The following WDPCP variants were observed in gnomAD, a reference collection of about 807,000 sequenced individuals.
The protein encoded by WDPCP is WD repeat-containing and planar cell polarity effector protein fritz homolog.
In WDPCP, 71 loss-of-function variants were observed where a neutral mutation model predicts 93.1. The observed-to-expected ratio is 0.76, with a 90% CI of 0.63 to 0.93. The LOEUF (loss-of-function observed/expected upper bound fraction) is 0.93. Among genes scored for constraint, WDPCP ranks in the 40% least tolerant of loss-of-function variants. The pLI is 0.00. For missense variants in WDPCP, 844 were observed against 887.4 expected (o/e 0.95, Z 0.62); for synonymous variants, 315 against 315.0 (o/e 1.00, Z 0.00).
At chr2:63,714,867 A>C (rs1669312546) in intron 2 of WDPCP, among the ~76,000 whole-genome samples, 1 of 152,190 alleles carries the variant, frequency 6.6e-6, no homozygotes, top group Non-Finnish European at 1.5e-5. Context: ...AATAGTACAC[A>C]AATGTTCATA....
chr2:63,271,076 A>G (rs1682595744), intron 13 of WDPCP, among the ~76,000 whole-genome samples: 1 of 152,228 alleles, frequency 6.6e-6, no homozygotes, highest in African/African-American at 2.4e-5. Context: ...CCAGGTTTGC[A>G]GCACTCTAGC....
chr2:63,321,950 T>G (rs1687131475), intron 12 of WDPCP, among the ~76,000 whole-genome samples: 1 of 152,208 alleles, frequency 6.6e-6, no homozygotes, highest in African/African-American at 2.4e-5. Context: ...CTGTACATAT[T>G]TAATGTATAC....
At chr2:63,752,129 G>A (rs1389428011) in intron 2 of WDPCP, 5 of 609,754 alleles carry the variant, frequency 8.2e-6, no homozygotes, top group Admixed American at 4.4e-5. Flanking sequence ...CCATTCACAC[G>A]ACGGTATTTC....
At chr2:63,634,056 G>A (rs779109022) in intron 3 of WDPCP, among the ~76,000 whole-genome samples, 9 of 151,556 alleles carry the variant, frequency 5.9e-5, no homozygotes, top group Non-Finnish European at 7.4e-5. Context: ...ATTCCATCTC[G>A]AAAAAAGGGG....
intron 12 of WDPCP, among the ~76,000 whole-genome samples, chr2:63,316,807 T>C (rs1039426700): frequency 6.6e-6 from 1 of 152,170 alleles, no homozygotes; most frequent in African/African-American, 2.4e-5. Context: ...TCCCATAGTC[T>C]CTGCCCAAAG....
intron 9 of WDPCP, among the ~76,000 whole-genome samples, chr2:63,422,277 C>G (rs901901369): frequency 2.0e-5 from 3 of 152,116 alleles, no homozygotes; most frequent in African/African-American, 7.2e-5. Flanking sequence ...AAAAGAACAG[C>G]CAACCTGAAG....
intron 2 of WDPCP, among the ~76,000 whole-genome samples, chr2:63,680,051 C>T (rs1463108057): frequency 6.6e-6 from 1 of 152,170 alleles, no homozygotes; most frequent in African/African-American, 2.4e-5. Context: ...TACTTCTAGG[C>T]CAAGTTCATC....
At chr2:63,431,672 C>A (rs1696773263) in intron 9 of WDPCP, among the ~76,000 whole-genome samples, 1 of 151,894 alleles carries the variant, frequency 6.6e-6, no homozygotes, top group Non-Finnish European at 1.5e-5. Context: ...TGTCTTCACA[C>A]ACACACACAC....
intron 2 of WDPCP, among the ~76,000 whole-genome samples, chr2:63,689,220 C>CA (rs1668855979): frequency 1.4e-5 from 2 of 147,144 alleles, no homozygotes; most frequent in Admixed American, 6.6e-5. Context: ...TTTAATGGAT[C>CA]AATTTCTTTT....
At chr2:63,640,241 C>T (rs1159563683) in intron 3 of WDPCP, among the ~76,000 whole-genome samples, 2 of 152,064 alleles carry the variant, frequency 1.3e-5, no homozygotes, top group African/African-American at 4.8e-5. Context: ...ATCTCCTGAC[C>T]TTGTGATCCT....
intron 14 of WDPCP, among the ~76,000 whole-genome samples, chr2:63,178,049 CTTACT>C (rs1673951019): frequency 6.6e-6 from 1 of 152,084 alleles, no homozygotes; most frequent in African/African-American, 2.4e-5. Flanking sequence ...TTGAACCATC[CTTACT>C]TTACATCAGT....
chr2:63,497,738 T>C (rs1457822493), intron 1 of WDPCP, among the ~76,000 whole-genome samples: 1 of 152,222 alleles, frequency 6.6e-6, no homozygotes, highest in Admixed American at 6.5e-5. Context: ...AAAAGAATGC[T>C]GGTAATTTCC....
At chr2:63,203,126 G>A (rs1466037293) in intron 14 of WDPCP, among the ~76,000 whole-genome samples, 3 of 151,924 alleles carry the variant, frequency 2.0e-5, no homozygotes, top group African/African-American at 7.3e-5. Context: ...TATATCAGTT[G>A]CTTTATATAA....
chr2:63,734,193 G>A (rs1008825045), intron 2 of WDPCP, among the ~76,000 whole-genome samples: 2 of 151,768 alleles, frequency 1.3e-5, no homozygotes. Flanking sequence ...TTTTTTTCTA[G>A]TGTGCAGATA....
chr2:63,622,394 A>G, intron 3 of WDPCP: 2 of 1,613,550 alleles, frequency 1.2e-6, no homozygotes, highest in Non-Finnish European at 8.5e-7. Flanking sequence ...GGGCAAGACC[A>G]AATTCCTGGA....
intron 13 of WDPCP, 103 bp from the exon 14 acceptor site, chr2:63,259,512 A>G (rs573912073): frequency 6.4e-6 from 6 of 938,252 alleles, no homozygotes; most frequent in East Asian, 5.0e-5. Flanking sequence ...CAAAATAGAA[A>G]CAGTTTGTAA....
intron 3 of WDPCP, among the ~76,000 whole-genome samples, chr2:63,600,659 C>G (rs980586777): frequency 1.3e-5 from 2 of 152,086 alleles, no homozygotes; most frequent in African/African-American, 4.8e-5. Context: ...AAGCATACAG[C>G]CTAAACATTC....
At chr2:63,766,907 C>CTA (rs1311665030) in intron 2 of WDPCP, among the ~76,000 whole-genome samples, 4 of 152,136 alleles carry the variant, frequency 2.6e-5, no homozygotes, top group Non-Finnish European at 4.4e-5. Flanking sequence ...CCATTCCCTT[C>CTA]TATCCCGAGC....
chr2:63,308,481 T>C (rs889946445), intron 13 of WDPCP, among the ~76,000 whole-genome samples: 2 of 152,162 alleles, frequency 1.3e-5, no homozygotes, highest in African/African-American at 4.8e-5. Context: ...TAGCAAAGAC[T>C]TGGAACCAAC....
Sources: gnomAD v4.1 joint callset for allele counts (sites outside exome capture counted in the v4.1 genomes callset) on GRCh38, gnomAD v4.1.1 for gene constraint, MANE v1.5 for transcripts, NCBI Gene and HGNC (gene_info 2026-07-23, HGNC 2026-07-21) for gene names.